The following LINGO2 variants were observed in gnomAD, a reference collection of about 807,000 sequenced individuals.
LINGO2 encodes leucine-rich repeat and immunoglobulin-like domain-containing nogo receptor-interacting protein 2.
In LINGO2, 14 loss-of-function variants were observed where a neutral mutation model predicts 30.6. The ratio of observed to expected loss-of-function variants is 0.46; its 90% confidence interval spans 0.30 to 0.72. The LOEUF is 0.72. LINGO2 is among the 30% of genes least tolerant of loss of function. The probability of loss-of-function intolerance (pLI) is 0.07; values close to 1 mark genes in which losing one functional copy is unlikely to be tolerated. For missense variants in LINGO2, 729 were observed against 751.7 expected (o/e 0.97, Z 0.35); for synonymous variants, 317 against 288.5 (o/e 1.10, Z -1.00).
chr9:28,368,095 A>G (rs768353895), intron 3 of LINGO2, among the ~76,000 whole-genome samples: 1 of 151,630 alleles, frequency 6.6e-6, no homozygotes, highest in Non-Finnish European at 1.5e-5. Context: ...ATCCTGTTCT[A>G]CTTTAGGGGA....
At chr9:28,376,450 T>C (rs1418662753) in intron 2 of LINGO2, among the ~76,000 whole-genome samples, 1 of 152,148 alleles carries the variant, frequency 6.6e-6, no homozygotes, top group Non-Finnish European at 1.5e-5. Flanking sequence ...TAGTGCCAAG[T>C]AGATGCCACA....
chr9:28,041,750 TATTATA>T (rs2132986740), intron 4 of LINGO2, among the ~76,000 whole-genome samples: 1 of 152,330 alleles, frequency 6.6e-6, no homozygotes, highest in South Asian at 2.1e-4. Context: ...GTTAGCGACA[TATTATA>T]ATTTACATAT....
the LINGO2 span, among the ~76,000 whole-genome samples, chr9:28,991,560 T>C: frequency 1.0e-4 from 13 of 128,658 alleles, no homozygotes; most frequent in Non-Finnish European, 1.7e-5. Context: ...AGACACATAA[T>C]TGTCAGATTC....
At chr9:28,241,008 C>T (rs1034952385) in intron 4 of LINGO2, among the ~76,000 whole-genome samples, 13 of 152,022 alleles carry the variant, frequency 8.6e-5, no homozygotes, top group African/African-American at 1.4e-4. Flanking sequence ...CAGTGGCTCA[C>T]GCCTGTAATT....
chr9:28,304,188 A>T (rs953428715), intron 3 of LINGO2, among the ~76,000 whole-genome samples: 6 of 151,498 alleles, frequency 4.0e-5, no homozygotes, highest in Admixed American at 6.6e-5. Context: ...ATAACAAAAA[A>T]TCCTTACTGA....
intron 2 of LINGO2, among the ~76,000 whole-genome samples, chr9:28,436,865 A>G (rs1823965439): frequency 6.6e-6 from 1 of 152,192 alleles, no homozygotes; most frequent in Non-Finnish European, 1.5e-5. Context: ...AAGGCCTGAT[A>G]GGGCAAGGGT....
At chr9:28,168,548 T>C (rs2133640201) in intron 4 of LINGO2, among the ~76,000 whole-genome samples, 1 of 152,374 alleles carries the variant, frequency 6.6e-6, no homozygotes, top group East Asian at 1.9e-4. Flanking sequence ...TTATTCTTAA[T>C]TTACATTGCT....
the LINGO2 span, among the ~76,000 whole-genome samples, chr9:29,009,181 C>T: frequency 6.6e-6 from 1 of 152,024 alleles, no homozygotes; most frequent in Non-Finnish European, 1.5e-5. Context: ...AAGTTCTGGC[C>T]AGGGCAATCA....
chr9:28,754,400 A>C, the LINGO2 span, among the ~76,000 whole-genome samples: 1 of 152,096 alleles, frequency 6.6e-6, no homozygotes. Context: ...GTTGATACAG[A>C]ACAGTGTTTC....
chr9:29,011,393 G>A, the LINGO2 span, among the ~76,000 whole-genome samples: 1 of 66,606 alleles, frequency 1.5e-5, no homozygotes. Context: ...GCTGTGAATT[G>A]ACATCCTTAC....
intron 5 of LINGO2, among the ~76,000 whole-genome samples, chr9:27,974,138 G>C (rs575448025): frequency 5.1e-4 from 78 of 152,248 alleles, no homozygotes; most frequent in Middle Eastern, 6.8e-3. Flanking sequence ...CACAACTGCT[G>C]CGTGAACACG....
chr9:28,506,084 G>T (rs554829320), intron 1 of LINGO2, among the ~76,000 whole-genome samples: 178 of 151,588 alleles, frequency 1.2e-3, no homozygotes, highest in African/African-American at 4.1e-3. Context: ...AATTTATATT[G>T]TTATTATAGG....
the LINGO2 span, among the ~76,000 whole-genome samples, chr9:28,866,681 A>G: frequency 6.6e-6 from 1 of 152,200 alleles, no homozygotes; most frequent in Non-Finnish European, 1.5e-5. Context: ...GCTTTTGCCA[A>G]AAAATTCTGA....
chr9:28,163,817 A>G (rs186489234), intron 4 of LINGO2, among the ~76,000 whole-genome samples: 45 of 152,258 alleles, frequency 3.0e-4, no homozygotes, highest in Non-Finnish European at 5.7e-4. Context: ...CAACTTGCCT[A>G]TTTACAGTTC....
intron 4 of LINGO2, among the ~76,000 whole-genome samples, chr9:28,059,353 GC>G (rs1038618960): frequency 1.3e-5 from 2 of 151,852 alleles, no homozygotes; most frequent in East Asian, 1.9e-4. Flanking sequence ...CACTAGTGAT[GC>G]CCCCCCACCC....
At chr9:28,086,494 G>C (rs982885023) in intron 4 of LINGO2, among the ~76,000 whole-genome samples, 1 of 151,922 alleles carries the variant, frequency 6.6e-6, no homozygotes, top group African/African-American at 2.4e-5. Context: ...ATATATTTCT[G>C]GGCATATCCA....
At chr9:28,479,412 A>G (rs569339221) in intron 1 of LINGO2, among the ~76,000 whole-genome samples, 7 of 152,078 alleles carry the variant, frequency 4.6e-5, no homozygotes, top group Admixed American at 4.6e-4. Flanking sequence ...ATATGCCAAA[A>G]TAAGAAGTGT....
intron 4 of LINGO2, among the ~76,000 whole-genome samples, chr9:28,017,893 G>C (rs1822919414): frequency 6.6e-6 from 1 of 152,034 alleles, no homozygotes; most frequent in East Asian, 1.9e-4. Context: ...AGCTCAAATA[G>C]CCAAGGCAAT....
intron 1 of LINGO2, among the ~76,000 whole-genome samples, chr9:28,632,333 A>G (rs536752180): frequency 6.6e-6 from 1 of 152,176 alleles, no homozygotes; most frequent in South Asian, 2.1e-4. Flanking sequence ...TCCTGTGGGC[A>G]GGGAAACTGC....
Sources: allele counts gnomAD v4.1 joint callset (sites outside exome capture counted in the v4.1 genomes callset), GRCh38; gene constraint gnomAD v4.1.1; transcripts MANE v1.5; gene names NCBI Gene and HGNC (gene_info 2026-07-23, HGNC 2026-07-21).